Variants in RPAP3 observed in about 807,000 individuals in gnomAD.
RPAP3 encodes the protein RNA polymerase II associated protein 3, also known as RNA polymerase II-associated protein 3.
A neutral mutation model predicts 88.8 loss-of-function variants in RPAP3; 58 were observed. The ratio of observed to expected loss-of-function variants is 0.65; its 90% CI spans 0.53 to 0.81. The LOEUF is 0.81. Among genes scored for constraint, RPAP3 ranks in the 40% least tolerant of loss-of-function variants. The probability of loss-of-function intolerance (pLI) is 0.00; values close to 1 mark genes in which losing one functional copy is unlikely to be tolerated. For missense variants in RPAP3, 751 were observed against 764.3 expected (o/e 0.98, Z 0.20); for synonymous variants, 255 against 259.9 (o/e 0.98, Z 0.18).
In RPAP3 at chr12:47,673,659, G is replaced by A. The variant is rs554010148; in HGVS notation, c.1288-3314C>T. Among the ~76,000 whole-genome samples the A allele has an allele frequency of 1.1e-4, 16 of 152,006 alleles. No homozygotes were observed. In the South Asian group the frequency reaches 1.2e-3, roughly 12 times the overall value. ...GAAGAAAACTGTTATGCAAAGGATC[G>A]TCTATGCATAACAGTTTAAGAGGGC... On this transcript the variant is annotated intron_variant, in intron 12 of 16. Coordinates refer to ENST00000005386, the MANE Select transcript of RPAP3 (RefSeq NM_024604.3).
rs982192558 is a variant in RPAP3, at chr12:47,705,975, A to T, written c.-30T>A. 6.5e-6 allele frequency: 1 copy of T among 152,818 alleles called. No individual in the cohort carries two copies. Among genetic ancestry groups the T allele is most frequent in the Non-Finnish European group, 1.5e-5 (1 of 68,534 alleles). 9.5% of individuals were successfully genotyped at this position (152,818 alleles called of 1,614,324 possible). ...ACCTGACCAGGCCGTAACCCGCCGCACTGCCACCCCGTCAGCCCCGCAGCG... is the reference window on the plus strand; with the variant it reads ...ACCTGACCAGGCCGTAACCCGCCGCTCTGCCACCCCGTCAGCCCCGCAGCG... On this transcript the variant is annotated 5_prime_UTR_variant, in exon 1 of 17. Transcript: ENST00000005386.
At chr12:47,684,183 A>G (rs910606679) in intron 9 of RPAP3, among the ~76,000 whole-genome samples, 8 of 152,166 alleles carry the variant, frequency 5.3e-5, no homozygotes, top group African/African-American at 1.7e-4. Flanking sequence ...ACAATTTGCC[A>G]GCTCACAGGC....
At chr12:47,687,182 C>T (rs1939343273) in intron 8 of RPAP3, among the ~76,000 whole-genome samples, 1 of 152,084 alleles carries the variant, frequency 6.6e-6, no homozygotes, top group African/African-American at 2.4e-5. Context: ...ACATATTACG[C>T]AAAGCTTAAA....
chr12:47,672,409 A>C (rs1213034786), intron 12 of RPAP3, among the ~76,000 whole-genome samples: 1 of 152,220 alleles, frequency 6.6e-6, no homozygotes, highest in African/African-American at 2.4e-5. Context: ...AAGGAAACTA[A>C]AATTTGTTTC....
At position 47,664,316 on chromosome 12, in the gene RPAP3, G is replaced by A. The variant is rs941580668; in HGVS notation, c.1913-726C>T. Among the ~76,000 whole-genome samples the A allele has an allele frequency of 6.6e-5, 10 of 152,258 alleles. No individual in the cohort carries two copies. In the South Asian group the frequency reaches 1.7e-3, roughly 25 times the overall value. ...GAGGCAGGAGAATGGCGTGAACCCAGGAGGCGGAGCTTGCAGTGAGCTGAG... is the reference window on the plus strand; with the variant it reads ...GAGGCAGGAGAATGGCGTGAACCCAAGAGGCGGAGCTTGCAGTGAGCTGAG... On this transcript the variant is annotated intron_variant, in intron 16 of 16. Coordinates refer to ENST00000005386, the MANE Select transcript of RPAP3 (RefSeq NM_024604.3).
chr12:47,696,010 G>GA, intron 5 of RPAP3: 1 of 266,534 alleles, frequency 3.8e-6, no homozygotes, highest in Non-Finnish European at 7.0e-6. Flanking sequence ...TTAGCTTTGT[G>GA]AATTAGAAAA....
intron 6 of RPAP3, among the ~76,000 whole-genome samples, chr12:47,690,285 T>C (rs947711116): frequency 8.5e-5 from 13 of 152,188 alleles, no homozygotes; most frequent in Non-Finnish European, 1.6e-4. Flanking sequence ...AGAGGAGATA[T>C]TGGTCACATA....
In RPAP3 at chr12:47,663,372, ATAGT is replaced by A. The variant is rs767801553; in HGVS notation, c.*129_*132del. 7.9e-5 allele frequency: 47 copies of A among 595,120 alleles called. No individual in the cohort carries two copies. Among genetic ancestry groups the A allele is most frequent in the Non-Finnish European group, 1.3e-4 (43 of 342,100 alleles). 36.9% of individuals were successfully genotyped at this position (595,120 alleles called of 1,614,324 possible). ...CACTAGTTAAATCACAATTCACCTT[ATAGT>A]TAATTAACTTATGTTCAAAGATAGT... On this transcript the variant is annotated 3_prime_UTR_variant, in exon 17 of 17. Coordinates refer to ENST00000005386, the MANE Select transcript of RPAP3 (RefSeq NM_024604.3).
chr12:47,696,463 C>T (rs886404151), intron 4 of RPAP3, 60 bp from the exon 5 acceptor site: 13 of 1,289,292 alleles, frequency 1.0e-5, no homozygotes, highest in Non-Finnish European at 1.4e-5. Flanking sequence ...CTACAGTTGA[C>T]CCTTGAACGA....
chr12:47,670,556 G>A (rs1938976296), intron 12 of RPAP3, among the ~76,000 whole-genome samples: 1 of 152,124 alleles, frequency 6.6e-6, no homozygotes, highest in Non-Finnish European at 1.5e-5. Flanking sequence ...AAGGGAGAGA[G>A]ACATGTATAC....
chr12:47,686,663 G>T, intron 9 of RPAP3, 117 bp downstream of exon 9: 1 of 680,204 alleles, frequency 1.5e-6, no homozygotes, highest in Non-Finnish European at 2.3e-6. Flanking sequence ...ACCATAAATT[G>T]GCATGTGAGC....
Position 47,663,453 on chromosome 12 carries a change from GA to G in RPAP3, c.*51del. On this transcript the variant is annotated 3_prime_UTR_variant, in exon 17 of 17. Transcript: ENST00000005386. ...CTTAAAAAGCAAAACACTTTCAGTA[GA>G]AAAAATTTACATATGAAAGTCAAAA... 8.3e-7 allele frequency: 1 copy of G among 1,211,030 alleles called. No homozygotes were observed. Among genetic ancestry groups the G allele is most frequent in the Admixed American group, 2.1e-5 (1 of 48,144 alleles). The allele number at this position is 1,211,030 out of a possible 1,614,324, so 75.0% of individuals were successfully genotyped here. A position where few individuals can be genotyped will look rare whatever the true frequency, so the allele number is the denominator to read the frequency against.
In RPAP3 at chr12:47,679,571, C is replaced by G; in HGVS notation, c.1209G>C (p.Trp403Cys). Residue 403 changes from tryptophan to cysteine, a missense_variant, in exon 12 of 17, where the codon TGG becomes TGC. Physicochemically the swap from Trp to Cys is radical, Grantham distance 215 (BLOSUM62 -2). Transcript: ENST00000005386. ...GTGTGGAATCAAGAAAGACATCATC[C>G]CAGTGTCCTTTCTCAATTAATTCCT... is the stretch of plus-strand genomic sequence containing the variant. ...IKKELIEKGH[W>C]DDVFLDSTQR... 1 of 1,603,570 alleles carries G rather than the reference C, an allele frequency of 6.2e-7. No individual in the cohort carries two copies. Among genetic ancestry groups the G allele is most frequent in the South Asian group, 1.1e-5 (1 of 88,626 alleles).
At chr12:47,701,931 A>G (rs1383970270) in intron 2 of RPAP3, among the ~76,000 whole-genome samples, 4 of 152,224 alleles carry the variant, frequency 2.6e-5, no homozygotes, top group Non-Finnish European at 4.4e-5. Context: ...AGTAGTGCAA[A>G]GACAAACTGA....
chr12:47,697,780 A>T (rs1284725376), intron 3 of RPAP3, 61 bp from the exon 4 acceptor site: 2 of 1,447,948 alleles, frequency 1.4e-6, no homozygotes, highest in Non-Finnish European at 1.9e-6. Flanking sequence ...AAAAGAAAAA[A>T]AGACATACTA....
At chr12:47,705,407 T>C (rs1052301513) in intron 1 of RPAP3, among the ~76,000 whole-genome samples, 2 of 152,186 alleles carry the variant, frequency 1.3e-5, no homozygotes, top group African/African-American at 4.8e-5. Flanking sequence ...CAACGCTTTG[T>C]TGGGAACTCA....
intron 14 of RPAP3, among the ~76,000 whole-genome samples, chr12:47,668,229 G>A (rs1204160239): frequency 6.6e-6 from 1 of 152,098 alleles, no homozygotes; most frequent in African/African-American, 2.4e-5. Context: ...CTATGCATTA[G>A]CACTTATGAA....
intron 9 of RPAP3, among the ~76,000 whole-genome samples, chr12:47,683,777 T>C (rs1939273088): frequency 1.3e-5 from 2 of 152,204 alleles, no homozygotes; most frequent in African/African-American, 2.4e-5. Flanking sequence ...CCTAGCTCCT[T>C]AGCCCTGATT....
intron 12 of RPAP3, among the ~76,000 whole-genome samples, 190 bp from the exon 13 acceptor site, chr12:47,670,535 T>G (rs1049354465): frequency 6.6e-6 from 1 of 152,018 alleles, no homozygotes. Flanking sequence ...TTATCCCAGG[T>G]AGGTCGAAAC....
Sources: gnomAD v4.1 joint callset for allele counts (sites outside exome capture counted in the v4.1 genomes callset) on GRCh38, gnomAD v4.1.1 for gene constraint, MANE v1.5 for transcripts, NCBI Gene and HGNC (gene_info 2026-07-23, HGNC 2026-07-21) for gene names.